The following NUBPL variants were observed in gnomAD, a reference collection of about 807,000 sequenced individuals.
NUBPL encodes the protein iron-sulfur cluster transfer protein NUBPL.
NUBPL carries 31 observed loss-of-function variants against 45.7 expected under a neutral mutation model. The ratio of observed to expected loss-of-function variants is 0.68; its 90% confidence interval spans 0.51 to 0.92. NUBPL has a LOEUF of 0.92. Ranked by LOEUF, NUBPL falls within the 40% of genes least tolerant of loss-of-function variation. The pLI, the probability that NUBPL is intolerant of heterozygous loss-of-function variation, is 0.00. For missense variants in NUBPL, 401 were observed against 398.7 expected (o/e 1.01, Z -0.05); for synonymous variants, 144 against 140.9 (o/e 1.02, Z -0.15).
intron 8 of NUBPL, among the ~76,000 whole-genome samples, chr14:31,843,124 C>G (rs2040402335): frequency 6.6e-6 from 1 of 152,142 alleles, no homozygotes; most frequent in South Asian, 2.1e-4. Context: ...ACCCTGGCAC[C>G]CAGACTGATA....
chr14:31,638,902 C>A (rs1293928341), intron 4 of NUBPL, among the ~76,000 whole-genome samples: 1 of 152,180 alleles, frequency 6.6e-6, no homozygotes, highest in Non-Finnish European at 1.5e-5. Flanking sequence ...CTGCATTCTT[C>A]ACGTAGTTCT....
At chr14:31,639,074 C>T (rs2035599731) in intron 4 of NUBPL, among the ~76,000 whole-genome samples, 1 of 152,176 alleles carries the variant, frequency 6.6e-6, no homozygotes, top group African/African-American at 2.4e-5. Flanking sequence ...CTGAAGCCTT[C>T]TTCTCTCAGC....
At chr14:31,856,408 A>G (rs1010187820) in intron 10 of NUBPL, among the ~76,000 whole-genome samples, 1 of 152,114 alleles carries the variant, frequency 6.6e-6, no homozygotes, top group Non-Finnish European at 1.5e-5. Flanking sequence ...CAGCCAAACC[A>G]TATCACTCCA....
rs574791372 is a variant in NUBPL, at chr14:31,822,994, A to C, written c.608-3635A>C. 7.9e-5 allele frequency among the ~76,000 whole-genome samples: 12 copies of C among 152,260 alleles called. No homozygotes were observed. In the South Asian group the frequency reaches 1.9e-3, roughly 24 times the overall value. On this transcript the variant is annotated intron_variant, in intron 7 of 10. Coordinates refer to ENST00000281081, the MANE Select transcript of NUBPL (RefSeq NM_025152.3). The stretch of plus-strand genomic sequence containing the variant: ...AATAATGTCCCTGAACATTTTAATA[A>C]AACTTTTATTTTTTTAATGTAACAG...
At chr14:31,640,281 C>G (rs1004353708) in intron 4 of NUBPL, among the ~76,000 whole-genome samples, 1 of 152,080 alleles carries the variant, frequency 6.6e-6, no homozygotes, top group Non-Finnish European at 1.5e-5. Context: ...TAATCTTATG[C>G]TTACCTAACC....
chr14:31,606,332 T>A (rs1428564199), intron 4 of NUBPL, among the ~76,000 whole-genome samples: 2 of 152,058 alleles, frequency 1.3e-5, no homozygotes, highest in Admixed American at 6.6e-5. Context: ...ACTCAAGCAA[T>A]CCTCCTGCTT....
intron 6 of NUBPL, among the ~76,000 whole-genome samples, chr14:31,722,524 T>C (rs941651741): frequency 2.0e-5 from 3 of 152,198 alleles, no homozygotes; most frequent in Non-Finnish European, 4.4e-5. Context: ...CACACTTCTT[T>C]CCACAATGGT....
At chr14:31,837,792 A>G (rs1328921599) in intron 8 of NUBPL, among the ~76,000 whole-genome samples, 2 of 152,206 alleles carry the variant, frequency 1.3e-5, no homozygotes, top group African/African-American at 4.8e-5. Flanking sequence ...AATGTAAAAC[A>G]TATAGTCAAC....
At chr14:31,691,043 A>G (rs1297146558) in intron 6 of NUBPL, among the ~76,000 whole-genome samples, 1 of 143,722 alleles carries the variant, frequency 7.0e-6, no homozygotes, top group African/African-American at 2.6e-5. Flanking sequence ...GATTGGTACC[A>G]TATGGAAACA....
At chr14:31,828,925 C>A (rs1185416810) in intron 8 of NUBPL, among the ~76,000 whole-genome samples, 2 of 152,118 alleles carry the variant, frequency 1.3e-5, no homozygotes, top group Non-Finnish European at 2.9e-5. Flanking sequence ...TAGGTGAATG[C>A]CACTGAAGGA....
intron 3 of NUBPL, among the ~76,000 whole-genome samples, chr14:31,566,045 C>T (rs1167194050): frequency 6.6e-6 from 1 of 152,084 alleles, no homozygotes; most frequent in African/African-American, 2.4e-5. Flanking sequence ...TTAATTTCTG[C>T]TTCATACCTA....
rs1262692404 is a variant in NUBPL at position 31,566,807 on chromosome 14, G to A, written c.291+1759G>A. On this transcript the variant is annotated intron_variant, in intron 3 of 10. Transcript: ENST00000281081. ...GAGTCAGAGTGACTTGATAAGAGAA[G>A]GATTCAATCCACCATTGCTGGCCTT... Among the ~76,000 whole-genome samples the A allele has an allele frequency of 2.6e-5, 4 of 152,188 alleles. 1 individual carries two copies. Among genetic ancestry groups the A allele is most frequent in the Admixed American group, 2.0e-4 (3 of 15,274 alleles).
intron 6 of NUBPL, among the ~76,000 whole-genome samples, chr14:31,694,933 G>A (rs1183038531): frequency 1.3e-5 from 2 of 152,200 alleles, no homozygotes; most frequent in Non-Finnish European, 2.9e-5. Context: ...TTTAGTTACA[G>A]ATCTACTTTT....
chr14:31,855,931 A>G (rs112227437), intron 10 of NUBPL, among the ~76,000 whole-genome samples: 43 of 152,268 alleles, frequency 2.8e-4, no homozygotes, highest in African/African-American at 1.0e-3. Flanking sequence ...GATAGAATTT[A>G]CCCCCAGAGT....
chr14:31,580,898 A>G (rs1595310366), intron 3 of NUBPL, among the ~76,000 whole-genome samples: 1 of 152,340 alleles, frequency 6.6e-6, no homozygotes, highest in East Asian at 1.9e-4. Context: ...AAAGCCTCAT[A>G]AGCCGTGGTG....
chr14:31,747,214 C>A (rs1311658028), intron 6 of NUBPL, among the ~76,000 whole-genome samples: 1 of 146,950 alleles, frequency 6.8e-6, no homozygotes, highest in African/African-American at 2.6e-5. Context: ...TGGCTTACTG[C>A]AAACTCTGCC....
chr14:31,729,822 A>C (rs1028941585), intron 6 of NUBPL, among the ~76,000 whole-genome samples: 11 of 152,142 alleles, frequency 7.2e-5, no homozygotes, highest in African/African-American at 2.7e-4. Flanking sequence ...TCTCTTTGAC[A>C]GTGTTTATAT....
rs887089550 is a variant in NUBPL at position 31,574,549 on chromosome 14, G to A, written c.291+9501G>A. On this transcript the variant is annotated intron_variant, in intron 3 of 10. Coordinates refer to ENST00000281081, the MANE Select transcript of NUBPL (RefSeq NM_025152.3). ...CAAAGTGCTGGGATTACAGGTGTAA[G>A]CCACTGCGCCTGGCCTACTCGATTC... Among the ~76,000 whole-genome samples, 4 of 148,128 alleles carry A rather than the reference G, an allele frequency of 2.7e-5. No individual in the cohort carries two copies. In the Admixed American group the frequency reaches 2.7e-4, roughly 10 times the overall value.
intron 6 of NUBPL, among the ~76,000 whole-genome samples, chr14:31,731,188 A>G (rs910274125): frequency 6.6e-6 from 1 of 152,244 alleles, no homozygotes; most frequent in African/African-American, 2.4e-5. Flanking sequence ...TAGGTTGTAC[A>G]TGAGATTAGA....
Sources: gnomAD v4.1 joint callset for allele counts (sites outside exome capture counted in the v4.1 genomes callset) on GRCh38, gnomAD v4.1.1 for gene constraint, MANE v1.5 for transcripts, NCBI Gene and HGNC (gene_info 2026-07-23, HGNC 2026-07-21) for gene names.